Variants in UNK observed in about 807,000 individuals in gnomAD.
UNK encodes unk zinc finger.
UNK carries 32 observed loss-of-function variants against 97.6 expected under a neutral mutation model. The observed-to-expected ratio is 0.33, with a 90% CI of 0.25 to 0.44. The LOEUF is 0.44. Ranked by LOEUF, UNK falls within the 20% of genes least tolerant of loss-of-function variation. The pLI, the probability that UNK is intolerant of heterozygous loss-of-function variation, is 1.00. For missense variants in UNK, 771 were observed against 1,098.4 expected (o/e 0.70, Z 4.21); for synonymous variants, 441 against 461.2 (o/e 0.96, Z 0.56).
chr17:75,808,341 C>CTGCCTGGGGTCTTCAGGATG (rs2061937410), intron 1 of UNK, among the ~76,000 whole-genome samples: 1 of 152,218 alleles, frequency 6.6e-6, no homozygotes, highest in Non-Finnish European at 1.5e-5. Flanking sequence ...TTCCAGATTT[C>CTGCCTGGGGTCTTCAGGATG]TGCCTGGGGT....
chr17:75,785,340 A>C, intron 1 of UNK: 3 of 200,562 alleles, frequency 1.5e-5, no homozygotes, highest in South Asian at 9.1e-5. Flanking sequence ...AGACACAACC[A>C]AGAGGAGTTC....
chr17:75,809,710 A>C, intron 1 of UNK, 50 bp from the exon 2 acceptor site: 2 of 1,546,528 alleles, frequency 1.3e-6, no homozygotes, highest in Non-Finnish European at 8.8e-7. Context: ...GGGAAGCAAG[A>C]GACTTCATTC....
chr17:75,813,518 C>T (rs1175167546), intron 5 of UNK, among the ~76,000 whole-genome samples: 2 of 152,208 alleles, frequency 1.3e-5, no homozygotes, highest in Non-Finnish European at 2.9e-5. Context: ...TAGCTCCAGC[C>T]TGACCCTACT....
chr17:75,810,097 C>T, intron 2 of UNK, 128 bp downstream of exon 2: 1 of 1,160,830 alleles, frequency 8.6e-7, no homozygotes, highest in Non-Finnish European at 1.2e-6. Context: ...ATGGCCCGAG[C>T]CTGGACTCAG....
At chr17:75,786,836 G>C (rs1036412962) in intron 1 of UNK, among the ~76,000 whole-genome samples, 15 of 152,026 alleles carry the variant, frequency 9.9e-5, no homozygotes, top group Non-Finnish European at 2.2e-4. Context: ...CAGCCTGAGC[G>C]ACAAGAGCAA....
Position 75,819,370 on chromosome 17 carries a change from G to C in UNK, c.1547-314G>C, listed in dbSNP as rs923508263. On this transcript the variant is annotated intron_variant, in intron 11 of 15. Transcript: ENST00000589666. The surrounding 1 kb of genome is among the most constrained non-coding windows in gnomAD (Gnocchi z 5.4). ...CCACCCCCACTGATCCCGGGGCTGA[G>C]ACCCTTGAGTTGTAACATCAGGGGA... 1 of 396,272 alleles carries C rather than the reference G, an allele frequency of 2.5e-6. No homozygotes were observed. The highest frequency in any genetic ancestry group is 2.1e-5 in the African/African-American group (1 of 48,748). The allele number at this position is 396,272 out of a possible 1,614,324, so 24.5% of individuals were successfully genotyped here.
intron 1 of UNK, among the ~76,000 whole-genome samples, chr17:75,807,602 G>A (rs566725422): frequency 2.8e-4 from 43 of 152,246 alleles, no homozygotes; most frequent in African/African-American, 9.1e-4. Flanking sequence ...ACAGGCACAC[G>A]CCACCACGCC....
chr17:75,819,968 T>C lies in UNK; in HGVS notation c.1697T>C (p.Leu566Ser). 6.2e-7 allele frequency: 1 copy of C among 1,613,192 alleles called. No individual in the cohort carries two copies. Among genetic ancestry groups the C allele is most frequent in the Non-Finnish European group, 8.5e-7 (1 of 1,179,452 alleles). Residue 566 changes from leucine (L) to serine (S), a missense_variant, in exon 13 of 16, where the codon TTG (leucine) becomes TCG (serine). Coordinates refer to ENST00000589666, the MANE Select transcript of UNK (RefSeq NM_001080419.3). This position sits in a 1 kb window ranked among gnomAD's most constrained non-coding sequence, Gnocchi z 5.4. ...GCACCCGTGAACATCCCCGGCTCCT[T>C]GGGCAGCTCTGCCTCCTTCCACTCA... Reference protein sequence around the residue: ...SSAPVNIPGSLGSSASFHSAS... With the variant: ...SSAPVNIPGSSGSSASFHSAS...
Position 75,819,899 on chromosome 17 carries a change from C to A in UNK, c.1649-21C>A. ...TTCCGCTGCCCTCACCCAGCCCGTC[C>A]TCCCCGGGCCTCTCTTGCAGGCGGC... On this transcript the variant is annotated intron_variant, in intron 12 of 15. Transcript: ENST00000589666. The surrounding 1 kb of genome is among the most constrained non-coding windows in gnomAD (Gnocchi z 5.4). 1 of 1,602,248 alleles carries A rather than the reference C, an allele frequency of 6.2e-7. No individual in the cohort carries two copies. The highest frequency in any genetic ancestry group is 8.5e-7 in the Non-Finnish European group (1 of 1,173,478).
rs2061696658 is a variant in UNK at position 75,785,163 on chromosome 17, C to T, written c.104+179C>T. On this transcript the variant is annotated intron_variant, in intron 1 of 15. Transcript: ENST00000589666. ...CCCAACTGCCTCCAACTGCCACCAA[C>T]CTCTGGTCGGGCTGTGGGGCGGGAA... 10 of 524,616 alleles carry T rather than the reference C, an allele frequency of 1.9e-5. No individual in the cohort carries two copies. In the South Asian group the frequency reaches 2.3e-4, roughly 12 times the overall value. 32.5% of individuals were successfully genotyped at this position (524,616 alleles called of 1,614,324 possible). A position where few individuals can be genotyped will look rare whatever the true frequency, so the allele number is the denominator to read the frequency against.
intron 1 of UNK, among the ~76,000 whole-genome samples, chr17:75,800,154 G>A (rs888699009): frequency 2.0e-4 from 30 of 152,086 alleles, no homozygotes. Context: ...CTGCAGTCTC[G>A]ACCTCCCAGG....
rs773228624 is a variant in UNK, at chr17:75,812,602, C to G, written c.622+17C>G. 2.5e-6 allele frequency: 4 copies of G among 1,609,554 alleles called. No homozygotes were observed. The Admixed American group carries it at 5.0e-5, about 20-fold the overall frequency. On this transcript the variant is annotated intron_variant, in intron 4 of 15. Transcript: ENST00000589666. ...GGTGGCAAGGTACAGGCATCCACAC[C>G]TCGGCCGCGCCCTCCCTATAATCCT...
At chr17:75,813,007 C>A in intron 4 of UNK, 71 bp from the exon 5 acceptor site, 1 of 1,502,970 alleles carries the variant, frequency 6.7e-7, no homozygotes, top group South Asian at 1.3e-5. Context: ...CTTCCCTCCA[C>A]TCCAGTCCTG....
chr17:75,821,197 G>A (rs899909981), intron 13 of UNK: 10 of 341,612 alleles, frequency 2.9e-5, no homozygotes, highest in Admixed American at 1.6e-4. Context: ...GACCACAGGC[G>A]TGCACCACCA....
chr17:75,815,777 T>C (rs1231742330), intron 7 of UNK, among the ~76,000 whole-genome samples: 3 of 151,386 alleles, frequency 2.0e-5, no homozygotes, highest in Admixed American at 2.0e-4. Flanking sequence ...TCCCAACTAC[T>C]CGGGAGGCTG....
chr17:75,823,123 GCCT>G, intron 14 of UNK, 139 bp from the exon 15 acceptor site: 1 of 1,345,538 alleles, frequency 7.4e-7, no homozygotes, highest in Non-Finnish European at 9.9e-7. Context: ...GACAGCATCA[GCCT>G]CCTCCTTGCC....
Position 75,816,502 on chromosome 17 carries a change from C to CG in UNK, c.962-268_962-267insG, listed in dbSNP as rs2062017249. 2.0e-5 allele frequency among the ~76,000 whole-genome samples: 3 copies of CG among 152,306 alleles called. No homozygotes were observed. The highest frequency in any genetic ancestry group is 4.4e-5 in the Non-Finnish European group (3 of 68,026). On this transcript the variant is annotated intron_variant, in intron 7 of 15. Coordinates refer to ENST00000589666, the MANE Select transcript of UNK (RefSeq NM_001080419.3). The surrounding 1 kb of genome is among the most constrained non-coding windows in gnomAD (Gnocchi z 4.0). Reference sequence around the variant, plus strand: ...TGTCACTTTGGTGGGTTTACCTTACCTCTCTGAGCCTCAGTTTTCTTATTT... The same window carrying CG: ...TGTCACTTTGGTGGGTTTACCTTACCGTCTCTGAGCCTCAGTTTTCTTATTT...
chr17:75,818,506 C>T lies in UNK; in HGVS notation c.1372-136C>T. The stretch of plus-strand genomic sequence containing the variant: ...CAACAAGGTGTCGGGTGTGCCGGGG[C>T]CCATGTGGGCATGGGGGCACCCGGA... On this transcript the variant is annotated intron_variant, in intron 10 of 15. Coordinates refer to ENST00000589666, the MANE Select transcript of UNK (RefSeq NM_001080419.3). This position sits in a 1 kb window ranked among gnomAD's most constrained non-coding sequence, Gnocchi z 5.1. The T allele has an allele frequency of 3.9e-6, 4 of 1,038,216 alleles. No homozygotes were observed. Among genetic ancestry groups the T allele is most frequent in the South Asian group, 1.7e-5 (1 of 60,076 alleles). 64.3% of individuals were successfully genotyped at this position (1,038,216 alleles called of 1,614,324 possible). A position where few individuals can be genotyped will look rare whatever the true frequency, so the allele number is the denominator to read the frequency against.
intron 1 of UNK, among the ~76,000 whole-genome samples, chr17:75,802,818 C>T (rs1233392214): frequency 1.3e-5 from 2 of 152,276 alleles, no homozygotes; most frequent in African/African-American, 4.8e-5. Context: ...ACATTAGGAG[C>T]AATGTCAGTA....
Sources: allele counts gnomAD v4.1 joint callset (sites outside exome capture counted in the v4.1 genomes callset), GRCh38; gene constraint gnomAD v4.1.1; non-coding constraint Gnocchi (gnomAD v3.1); transcripts MANE v1.5; gene names NCBI Gene and HGNC (gene_info 2026-07-23, HGNC 2026-07-21).